The following CHMP1A variants were observed in gnomAD, a reference collection of about 807,000 sequenced individuals.
CHMP1A encodes the protein charged multivesicular body protein 1A.
CHMP1A carries 17 observed loss-of-function variants against 27.0 expected under a neutral mutation model. The observed-to-expected ratio is 0.63, with a 90% CI of 0.43 to 0.95. The LOEUF is 0.95. Ranked by LOEUF, CHMP1A falls within the 40% of genes least tolerant of loss-of-function variation. The pLI is 0.00. For missense variants in CHMP1A, 275 were observed against 264.0 expected, an observed-to-expected ratio of 1.04 and a Z score of -0.29; for synonymous variants, 131 against 107.5, an observed-to-expected ratio of 1.22 and a Z score of -1.35.
At chr16:89,651,002 G>A (rs1038014573) in intron 3 of CHMP1A, among the ~76,000 whole-genome samples, 3 of 152,158 alleles carry the variant, frequency 2.0e-5, no homozygotes, top group Admixed American at 2.0e-4. Flanking sequence ...AACCATTCTG[G>A]GCTGCACCAC....
rs935009687 is a variant in CHMP1A, at chr16:89,657,472, C to G, written c.7+110G>C. 1.5e-5 allele frequency: 21 copies of G among 1,394,454 alleles called. No individual in the cohort carries two copies. The Admixed American group carries it at 2.0e-4, about 13-fold the overall frequency. The allele number at this position is 1,394,454 out of a possible 1,614,324, so 86.4% of individuals were successfully genotyped here. ...TCCCGGGGGATCGACGGTCGAGGCC[C>G]GAGCTCTCCTGAGTCCTGCCCGCGG... is the stretch of plus-strand genomic sequence containing the variant. On this transcript the variant is annotated intron_variant, in intron 1 of 6. Coordinates refer to ENST00000397901, the MANE Select transcript of CHMP1A (RefSeq NM_002768.5).
chr16:89,649,590 G>T (rs2059808273), intron 3 of CHMP1A, 93 bp from the exon 4 acceptor site: 3 of 1,465,560 alleles, frequency 2.0e-6, no homozygotes, highest in Non-Finnish European at 1.9e-6. Context: ...GTTTTGTTTT[G>T]TTTGAGACGG....
Position 89,649,413 on chromosome 16 carries a change from G to A in CHMP1A, c.190C>T (p.Arg64Trp), listed in dbSNP as rs371497296. ...RKKNEGVNWL[R>W]MASRVDAVAS... Reference sequence around the variant, plus strand: ...ACTGCGTCTACGCGGGACGCCATCCGAAGCCAGTTCACACCTTCGTTCTTC... The same window carrying A: ...ACTGCGTCTACGCGGGACGCCATCCAAAGCCAGTTCACACCTTCGTTCTTC... Residue 64 changes from arginine to tryptophan, a missense_variant, in exon 4 of 7, where the codon CGG (arginine) becomes TGG (tryptophan). Physicochemically the swap from Arg to Trp is moderately radical, Grantham distance 101. Transcript: ENST00000397901. The A allele has an allele frequency of 1.0e-4, 167 of 1,613,614 alleles. No individual in the cohort carries two copies. The highest frequency in any genetic ancestry group is 1.3e-4 in the Admixed American group (8 of 59,996).
At chr16:89,657,106 G>A (rs1200541309) in intron 1 of CHMP1A, among the ~76,000 whole-genome samples, 1 of 140,528 alleles carries the variant, frequency 7.1e-6, no homozygotes, top group African/African-American at 2.7e-5. Flanking sequence ...GTCGAGGCCC[G>A]GGGTAAAGGA....
intron 1 of CHMP1A, among the ~76,000 whole-genome samples, chr16:89,657,338 G>A (rs1568007214): frequency 1.4e-5 from 2 of 147,188 alleles, no homozygotes; most frequent in Admixed American, 1.3e-4. Context: ...GGGAAAAGGG[G>A]TCCCAGGTCG....
Position 89,657,665 on chromosome 16 carries a change from T to C in CHMP1A, c.-77A>G. On this transcript the variant is annotated 5_prime_UTR_variant, in exon 1 of 7. Coordinates refer to ENST00000397901, the MANE Select transcript of CHMP1A (RefSeq NM_002768.5). Reference sequence around the variant, plus strand: ...GGGCGGTGTCAGGTCCCGGCGGCGATCGAACCGACCAAGCTGCACCCGGCG... The same window carrying C: ...GGGCGGTGTCAGGTCCCGGCGGCGACCGAACCGACCAAGCTGCACCCGGCG... The C allele has an allele frequency of 6.3e-7, 1 of 1,599,268 alleles. No individual in the cohort carries two copies. The highest frequency in any genetic ancestry group is 8.5e-7 in the Non-Finnish European group (1 of 1,174,134).
intron 4 of CHMP1A, 28 bp downstream of exon 4, chr16:89,649,323 C>T: frequency 6.2e-7 from 1 of 1,600,670 alleles, no homozygotes. Context: ...CGAACGCCAC[C>T]CATCCAGCAC....
At chr16:89,649,155 TAACTCAACCTC>T in intron 4 of CHMP1A, 185 bp downstream of exon 4, 3 of 382,702 alleles carry the variant, frequency 7.8e-6, no homozygotes, top group South Asian at 4.4e-5. Context: ...TGATCCAGCT[TAACTCAACCTC>T]CCCACCCCAC....
chr16:89,656,799 C>T (rs1269543519), intron 1 of CHMP1A, among the ~76,000 whole-genome samples: 4 of 152,182 alleles, frequency 2.6e-5, no homozygotes, highest in African/African-American at 9.7e-5. Context: ...ATTCCAAGTC[C>T]CGAAAGGCCG....
chr16:89,649,340 C>T lies in CHMP1A; in HGVS notation c.252+11G>A. On this transcript the variant is annotated intron_variant, in intron 4 of 6. Transcript: ENST00000397901. ...AACGCCACCCATCCAGCACCAGGGC[C>T]CAGCACTCACCCCCTTCATAGTCAC... 1.2e-6 allele frequency: 2 copies of T among 1,609,724 alleles called. No individual in the cohort carries two copies. The highest frequency in any genetic ancestry group is 1.7e-6 in the Non-Finnish European group (2 of 1,176,632).
At position 89,647,280 on chromosome 16, in the gene CHMP1A, T is replaced by C. The variant is rs771740958; in HGVS notation, c.304A>G (p.Thr102Ala). 33 of 1,611,914 alleles carry C rather than the reference T, an allele frequency of 2.0e-5. 1 individual carries two copies. The South Asian group carries it at 3.2e-4, about 16-fold the overall frequency. ...VTKALDKALS[T>A]MDLQKVSSVM... The stretch of plus-strand genomic sequence containing the variant: ...GAGGAGACCTTCTGCAGGTCCATGG[T>C]GCTCAGGGCCTTGTCCAGGGCTTTG... The change falls in exon 5 of 7, where the codon ACC becomes GCC. Residue 102 changes from threonine to alanine, a missense_variant. Thr to Ala is a moderately conservative substitution (Grantham distance 58). Coordinates refer to ENST00000397901, the MANE Select transcript of CHMP1A (RefSeq NM_002768.5).
At chr16:89,649,662 G>GC (rs2059808867) in intron 3 of CHMP1A, 165 bp from the exon 4 acceptor site, 3 of 760,604 alleles carry the variant, frequency 3.9e-6, no homozygotes, top group Admixed American at 2.8e-5. Context: ...CGCAAGCTCC[G>GC]CCCCCCAGGT....
rs2059771126 is a variant in CHMP1A, at chr16:89,646,050, C to T, written c.*16G>A. ...CACATCACGGGGCAGAGGCGGTGCACACCGGCGGGGCACGGCTAGTTCCTC... is the reference window on the plus strand; with the variant it reads ...CACATCACGGGGCAGAGGCGGTGCATACCGGCGGGGCACGGCTAGTTCCTC... On this transcript the variant is annotated 3_prime_UTR_variant, in exon 7 of 7. Transcript: ENST00000397901. The T allele has an allele frequency of 6.3e-6, 10 of 1,580,344 alleles. No individual in the cohort carries two copies. Among genetic ancestry groups the T allele is most frequent in the East Asian group, 2.3e-5 (1 of 44,130 alleles).
chr16:89,651,715 CCCCACACCTGTG>C (rs995440020), intron 2 of CHMP1A, 69 bp from the exon 3 acceptor site: 180 of 1,488,608 alleles, frequency 1.2e-4, no homozygotes, highest in African/African-American at 3.9e-4. Context: ...CTCTCCACAC[CCCCACACCTGTG>C]CCCACACCTG....
At chr16:89,657,222 G>C (rs1317343167) in intron 1 of CHMP1A, among the ~76,000 whole-genome samples, 2 of 149,394 alleles carry the variant, frequency 1.3e-5, no homozygotes, top group African/African-American at 2.5e-5. Context: ...TGGGGAAGGG[G>C]TTCCGGGTCG....
chr16:89,650,800 T>C (rs1014798586), intron 3 of CHMP1A, among the ~76,000 whole-genome samples: 3 of 127,590 alleles, frequency 2.4e-5, no homozygotes, highest in African/African-American at 5.1e-5. Flanking sequence ...CGAGACTCCA[T>C]CTCAAAAAAA....
At chr16:89,647,128 G>A (rs1161581972) in intron 5 of CHMP1A, 75 bp downstream of exon 5, 2 of 1,564,706 alleles carry the variant, frequency 1.3e-6, no homozygotes, top group Non-Finnish European at 1.7e-6. Flanking sequence ...CAGCCTGTGA[G>A]CCACCCCTCC....
chr16:89,645,990 C>T lies in CHMP1A; in HGVS notation c.*76G>A. 6.2e-7 allele frequency: 1 copy of T among 1,612,368 alleles called. No homozygotes were observed. Among genetic ancestry groups the T allele is most frequent in the South Asian group, 1.1e-5 (1 of 90,946 alleles). ...CAGCCCCGCGGGGTCAGCACAAAGG[C>T]AAGACGCGGTGGGGAGAGGACAGGA... On this transcript the variant is annotated 3_prime_UTR_variant, in exon 7 of 7. Coordinates refer to ENST00000397901, the MANE Select transcript of CHMP1A (RefSeq NM_002768.5).
In CHMP1A at chr16:89,651,582, G is replaced by A. The variant is rs2059824201; in HGVS notation, c.92C>T (p.Ala31Val). 2 of 1,613,668 alleles carry A rather than the reference G, an allele frequency of 1.2e-6. No homozygotes were observed. Among genetic ancestry groups the A allele is most frequent in the Middle Eastern group, 1.7e-4 (1 of 6,058 alleles). Residue 31 changes from alanine (A) to valine (V), a missense_variant, in exon 3 of 7, where the codon GCC becomes GTC. Ala to Val is a moderately conservative substitution (Grantham distance 64). Transcript: ENST00000397901. ...CCAGGGTCTCACCTTCTTCACTTTG[G>A]CCTGCTCCGCCTTGGAGTCCTTCTC... ...KAEKDSKAEQ[A>V]KVKKALLQKN...
Sources: gnomAD v4.1 joint callset for allele counts (sites outside exome capture counted in the v4.1 genomes callset) on GRCh38, gnomAD v4.1.1 for gene constraint, MANE v1.5 for transcripts, NCBI Gene and HGNC (gene_info 2026-07-23, HGNC 2026-07-21) for gene names.